HEATR9: variants seen among roughly 807,000 people sequenced by gnomAD.
The protein encoded by HEATR9 is HEAT repeat containing 9.
Under a neutral mutation model 68.2 loss-of-function variants are expected in HEATR9, and 54 were observed. The observed-to-expected ratio is 0.79, with a 90% CI of 0.64 to 0.99. HEATR9 has a LOEUF of 0.99. Among genes scored for constraint, HEATR9 ranks in the 50% least tolerant of loss-of-function variants. The pLI, the probability that HEATR9 is intolerant of heterozygous loss-of-function variation, is 0.00. For missense variants in HEATR9, 662 were observed against 679.7 expected (o/e 0.97, Z 0.29); for synonymous variants, 241 against 253.5 (o/e 0.95, Z 0.47).
Position 35,854,975 on chromosome 17 carries a change from C to A in HEATR9, c.*88G>T. On this transcript the variant is annotated 3_prime_UTR_variant, in exon 15 of 15. Transcript: ENST00000604834. The stretch of plus-strand genomic sequence containing the variant: ...GTAGGTAGAGTGACACTTGTTTATT[C>A]ACGGAAGATAAGTATAGATTGTTTT... 1 of 1,077,724 alleles carries A rather than the reference C, an allele frequency of 9.3e-7. No homozygotes were observed. 66.8% of individuals were successfully genotyped at this position (1,077,724 alleles called of 1,614,324 possible).
chr17:35,865,015 A>T (rs1024889005), intron 3 of HEATR9, 125 bp from the exon 4 acceptor site: 1 of 1,397,364 alleles, frequency 7.2e-7, no homozygotes, highest in African/African-American at 1.4e-5. Context: ...ACAGATGAGG[A>T]CTCAGTGATA....
chr17:35,856,310 C>T (rs756254279), intron 12 of HEATR9, 86 bp from the exon 13 acceptor site: 209 of 1,613,718 alleles, frequency 1.3e-4, no homozygotes, highest in South Asian at 7.7e-5. Context: ...AGGTCCAGAG[C>T]GAATTAGGCA....
At position 35,866,705 on chromosome 17, in the gene HEATR9, C is replaced by A; in HGVS notation, c.138+19G>T. 2.5e-6 allele frequency: 4 copies of A among 1,612,080 alleles called. No individual in the cohort carries two copies. Among genetic ancestry groups the A allele is most frequent in the Non-Finnish European group, 2.5e-6 (3 of 1,178,198 alleles). On this transcript the variant is annotated intron_variant, in intron 2 of 14. Coordinates refer to ENST00000604834, the MANE Select transcript of HEATR9 (RefSeq NM_152781.4). Reference sequence around the variant, plus strand: ...AACTTTGATACAGCTCCCAGGGTAGCAAAAGTAAGGGGTCTTACCTGGTAG... The same window carrying A: ...AACTTTGATACAGCTCCCAGGGTAGAAAAAGTAAGGGGTCTTACCTGGTAG...
At chr17:35,855,835 ACT>A (rs2087751247) in intron 13 of HEATR9, 85 bp from the exon 14 acceptor site, 3 of 1,147,092 alleles carry the variant, frequency 2.6e-6, no homozygotes, top group Non-Finnish European at 3.9e-6. Context: ...CCTTTGTGAG[ACT>A]CTGCAGCATA....
At chr17:35,868,461 A>T (rs2088288058) in intron 1 of HEATR9, 194 bp downstream of exon 1, 1 of 962,468 alleles carries the variant, frequency 1.0e-6, no homozygotes, top group Admixed American at 3.0e-5. Context: ...CATCTTAGAG[A>T]TCCCTGTAGG....
At chr17:35,867,080 T>A (rs551155596) in intron 1 of HEATR9, among the ~76,000 whole-genome samples, 40 of 141,880 alleles carry the variant, frequency 2.8e-4, no homozygotes, top group African/African-American at 9.3e-4. Context: ...TGAAACCCCG[T>A]CTCCACTAAA....
At position 35,865,320 on chromosome 17, in the gene HEATR9, C is replaced by A. The variant is rs1333071232; in HGVS notation, c.215G>T (p.Cys72Phe). 4 of 1,497,986 alleles carry A rather than the reference C, an allele frequency of 2.7e-6. No homozygotes were observed. Among genetic ancestry groups the A allele is most frequent in the Non-Finnish European group, 3.6e-6 (4 of 1,125,702 alleles). The allele number at this position is 1,497,986 out of a possible 1,614,324, so 92.8% of individuals were successfully genotyped here. A position where few individuals can be genotyped will look rare whatever the true frequency, so the allele number is the denominator to read the frequency against. Reference sequence around the variant, plus strand: ...GTAGATCTCAGGTTTCTTGAAGTAGCAGTACGGGACTGAGTTTGGCTTGCT... The same window carrying A: ...GTAGATCTCAGGTTTCTTGAAGTAGAAGTACGGGACTGAGTTTGGCTTGCT... ...HPSKPNSVPY[C>F]YFKKPEIYTH... is the part of the protein sequence containing the mutation. Residue 72 changes from cysteine to phenylalanine, a missense_variant, in exon 3 of 15, where the codon TGC becomes TTC. Coordinates refer to ENST00000604834, the MANE Select transcript of HEATR9 (RefSeq NM_152781.4).
chr17:35,863,210 C>T (rs1379130337), intron 7 of HEATR9, 85 bp from the exon 8 acceptor site: 5 of 1,570,642 alleles, frequency 3.2e-6, no homozygotes, highest in East Asian at 4.5e-5. Flanking sequence ...ACTGTGCCAT[C>T]GAGACCTAAG....
chr17:35,855,379 A>T lies in HEATR9; in HGVS notation c.1397T>A (p.Ile466Asn). Residue 466 changes from isoleucine to asparagine, a missense_variant, in exon 15 of 15, where the codon ATT becomes AAT. Ile to Asn is a moderately radical substitution (Grantham distance 149, BLOSUM62 -3). Transcript: ENST00000604834. Reference protein sequence around the residue: ...LQETLILCASIDPWIQNKLKN... With the variant: ...LQETLILCASNDPWIQNKLKN... ...CAGCTTGTTTTGGATCCAGGGATCA[A>T]TTGAGGCACAAAGGATTAATGTTTC... is the stretch of plus-strand genomic sequence containing the variant. 6.2e-7 allele frequency: 1 copy of T among 1,613,976 alleles called. No individual in the cohort carries two copies. Among genetic ancestry groups the T allele is most frequent in the Non-Finnish European group, 8.5e-7 (1 of 1,179,946 alleles).
intron 6 of HEATR9, 63 bp from the exon 7 acceptor site, chr17:35,863,622 A>G (rs1340720401): frequency 3.9e-6 from 6 of 1,534,658 alleles, no homozygotes; most frequent in Non-Finnish European, 5.4e-6. Flanking sequence ...AGCTTTAGGG[A>G]TTGTCTCAGC....
At chr17:35,864,987 A>C in intron 3 of HEATR9, 97 bp from the exon 4 acceptor site, 1 of 1,504,414 alleles carries the variant, frequency 6.6e-7, no homozygotes, top group Non-Finnish European at 9.2e-7. Context: ...CCCAGCTCAG[A>C]TATGGGACCA....
At chr17:35,855,896 A>G (rs943811601) in intron 13 of HEATR9, 146 bp from the exon 14 acceptor site, 1 of 733,698 alleles carries the variant, frequency 1.4e-6, no homozygotes, top group African/African-American at 1.8e-5. Context: ...TTTCCTTGCC[A>G]TTTGGAACCA....
intron 8 of HEATR9, among the ~76,000 whole-genome samples, chr17:35,860,267 CTG>C (rs1289114574): frequency 6.7e-6 from 1 of 149,864 alleles, no homozygotes; most frequent in Non-Finnish European, 1.5e-5. Context: ...TGGCAGCCGC[CTG>C]TAGTCCCAGC....
intron 2 of HEATR9, among the ~76,000 whole-genome samples, chr17:35,866,256 C>T (rs1000061814): frequency 1.4e-4 from 21 of 151,642 alleles, no homozygotes; most frequent in Admixed American, 5.9e-4. Context: ...AAAAGCTCCC[C>T]GCTCCCAAAC....
chr17:35,858,187 T>C lies in HEATR9; in HGVS notation c.1152+13A>G, dbSNP rs2087843959. ...TGGGTGTCTCTGGGCTTGGGAGCTT[T>C]GGTCTCACTTACAAGGAAGGGTTCA... is the stretch of plus-strand genomic sequence containing the variant. On this transcript the variant is annotated intron_variant, in intron 11 of 14. Coordinates refer to ENST00000604834, the MANE Select transcript of HEATR9 (RefSeq NM_152781.4). 1.9e-6 allele frequency: 3 copies of C among 1,614,008 alleles called. No individual in the cohort carries two copies. The African/African-American group carries it at 4.0e-5, about 22-fold the overall frequency.
intron 12 of HEATR9, 195 bp from the exon 13 acceptor site, chr17:35,856,419 G>T: frequency 7.0e-7 from 1 of 1,427,572 alleles, no homozygotes; most frequent in Non-Finnish European, 9.6e-7. Flanking sequence ...AGGAGGCACT[G>T]AATGATGATC....
chr17:35,864,371 G>C, intron 5 of HEATR9, 69 bp from the exon 6 acceptor site: 2 of 1,526,440 alleles, frequency 1.3e-6, no homozygotes, highest in Non-Finnish European at 1.8e-6. Context: ...CCATTCTCTG[G>C]ATACAGCTGG....
Position 35,866,753 on chromosome 17 carries a change from G to A in HEATR9, c.109C>T (p.Pro37Ser). The A allele has an allele frequency of 1.2e-6, 2 of 1,614,100 alleles. No individual in the cohort carries two copies. The highest frequency in any genetic ancestry group is 1.7e-5 in the Admixed American group (1 of 60,004). ...TAGCAGGACAAGGGCAGATGAACAG[G>A]AGCCATGGCTTTTCTGAGTTCTGGC... is the stretch of plus-strand genomic sequence containing the variant. ...KTKELRKAMA[P>S]VHLPLSCYQM... Residue 37 changes from proline (P) to serine (S), a missense_variant, in exon 2 of 15, where the codon CCT (proline) becomes TCT (serine). Coordinates refer to ENST00000604834, the MANE Select transcript of HEATR9 (RefSeq NM_152781.4).
At position 35,858,419 on chromosome 17, in the gene HEATR9, A is replaced by C; in HGVS notation, c.1032+14T>G. 6.2e-7 allele frequency: 1 copy of C among 1,614,078 alleles called. No individual in the cohort carries two copies. The highest frequency in any genetic ancestry group is 8.5e-7 in the Non-Finnish European group (1 of 1,179,940). On this transcript the variant is annotated intron_variant, in intron 10 of 14. Transcript: ENST00000604834. ...GTGCCGGGAAAGGAAGGGTTCAGGC[A>C]GTCCAGAGCTTACCTCAAGGACACT...
Sources: allele counts gnomAD v4.1 joint callset (sites outside exome capture counted in the v4.1 genomes callset), GRCh38; gene constraint gnomAD v4.1.1; transcripts MANE v1.5; gene names NCBI Gene and HGNC (gene_info 2026-07-23, HGNC 2026-07-21).